Variants in UBE2E2 observed in about 807,000 individuals in gnomAD.
UBE2E2 encodes the protein ubiquitin-conjugating enzyme E2 E2.
UBE2E2 carries 6 observed loss-of-function variants against 24.7 expected under a neutral mutation model. The observed-to-expected ratio is 0.24, with a 90% CI of 0.13 to 0.48. The LOEUF (loss-of-function observed/expected upper bound fraction) is 0.48, where lower values mean the gene tolerates loss of function less well. Ranked by LOEUF, UBE2E2 falls within the 20% of genes least tolerant of loss-of-function variation. The pLI is 0.99. For synonymous variants in UBE2E2, 104 were observed against 83.6 expected, an observed-to-expected ratio of 1.24 and a Z score of -1.33; for missense variants, 169 against 245.0, an observed-to-expected ratio of 0.69 and a Z score of 2.07.
intron 3 of UBE2E2, among the ~76,000 whole-genome samples, chr3:23,239,366 C>A (rs996236921): frequency 1.3e-5 from 2 of 152,146 alleles, no homozygotes; most frequent in African/African-American, 4.8e-5. Context: ...GTGCAACTGT[C>A]ACTGTCATTA....
intron 3 of UBE2E2, among the ~76,000 whole-genome samples, chr3:23,263,183 T>C (rs1354337246): frequency 6.6e-6 from 1 of 152,226 alleles, no homozygotes. Context: ...TGAGCCATTC[T>C]GACTGCTCAA....
chr3:23,293,179 A>G (rs1698814700), intron 3 of UBE2E2, among the ~76,000 whole-genome samples: 1 of 152,248 alleles, frequency 6.6e-6, no homozygotes, highest in Non-Finnish European at 1.5e-5. Context: ...CTTCATCAAT[A>G]TCATCCTAAC....
At chr3:23,462,295 A>T (rs1018162738) in intron 3 of UBE2E2, among the ~76,000 whole-genome samples, 2 of 152,156 alleles carry the variant, frequency 1.3e-5, no homozygotes, top group Non-Finnish European at 2.9e-5. Context: ...TTTGGAAATG[A>T]AGTAGTATTT....
In UBE2E2 at chr3:23,352,985, A is replaced by G. The variant is rs564845974; in HGVS notation, c.227+135673A>G. Among the ~76,000 whole-genome samples, 49 of 152,342 alleles carry G rather than the reference A, an allele frequency of 3.2e-4. 2 individuals are homozygous for G. In the South Asian group the frequency reaches 8.3e-3, roughly 26 times the overall value. ...ATGAACATTGATGCAAAAATCCTCA[A>G]TAAAATACTAGCAAACCGAATCCAG... On this transcript the variant is annotated intron_variant, in intron 3 of 5. Coordinates refer to ENST00000396703, the MANE Select transcript of UBE2E2 (RefSeq NM_152653.4).
At chr3:23,320,605 G>A (rs1326215201) in intron 3 of UBE2E2, among the ~76,000 whole-genome samples, 2 of 152,150 alleles carry the variant, frequency 1.3e-5, no homozygotes, top group African/African-American at 4.8e-5. Flanking sequence ...TTAACATAAT[G>A]TTTTAAAGGT....
intron 1 of UBE2E2, among the ~76,000 whole-genome samples, chr3:23,204,262 A>T (rs905061006): frequency 1.6e-4 from 25 of 151,876 alleles, no homozygotes; most frequent in African/African-American, 6.1e-4. Flanking sequence ...CCCACGACCA[A>T]CCAGAAATGT....
chr3:23,582,891 G>GTA (rs373275935), intron 5 of UBE2E2, among the ~76,000 whole-genome samples: 25 of 148,726 alleles, frequency 1.7e-4, no homozygotes, highest in Admixed American at 4.0e-4. Context: ...GTGTGTGTGT[G>GTA]TGTTGTGTGT....
intron 5 of UBE2E2, among the ~76,000 whole-genome samples, chr3:23,555,920 A>G (rs1417764473): frequency 6.6e-6 from 1 of 152,134 alleles, no homozygotes; most frequent in Non-Finnish European, 1.5e-5. Context: ...ATAAAGTAAC[A>G]AGTAGAAAGG....
At chr3:23,351,163 A>C (rs998972375) in intron 3 of UBE2E2, among the ~76,000 whole-genome samples, 2 of 152,224 alleles carry the variant, frequency 1.3e-5, no homozygotes, top group African/African-American at 4.8e-5. Flanking sequence ...GAGAAATAAA[A>C]TACTTTACAG....
Position 23,233,060 on chromosome 3 carries a change from T to G in UBE2E2, c.227+15748T>G, listed in dbSNP as rs184569227. Among the ~76,000 whole-genome samples the G allele has an allele frequency of 6.5e-4, 99 of 152,238 alleles. 5 individuals are homozygous for G. The East Asian group carries it at 0.016, about 24-fold the overall frequency. On this transcript the variant is annotated intron_variant, in intron 3 of 5. Coordinates refer to ENST00000396703, the MANE Select transcript of UBE2E2 (RefSeq NM_152653.4). ...GAATGTAGCCCTGCATTTGCAGTCTTTGGATTCTAGGTGGCTGGTTAGTTG... is the reference window on the plus strand; with the variant it reads ...GAATGTAGCCCTGCATTTGCAGTCTGTGGATTCTAGGTGGCTGGTTAGTTG...
intron 3 of UBE2E2, among the ~76,000 whole-genome samples, chr3:23,318,119 GT>G (rs1033136215): frequency 6.6e-6 from 1 of 151,858 alleles, no homozygotes; most frequent in South Asian, 2.1e-4. Flanking sequence ...GTGTTTAATG[GT>G]TTTTTTAAAA....
chr3:23,400,974 G>A (rs1697208517), intron 3 of UBE2E2, among the ~76,000 whole-genome samples: 1 of 152,232 alleles, frequency 6.6e-6, no homozygotes, highest in African/African-American at 2.4e-5. Context: ...ATAATCAGAT[G>A]TGAAGATGTG....
chr3:23,427,642 C>T (rs1430319175), intron 3 of UBE2E2, among the ~76,000 whole-genome samples: 1 of 152,104 alleles, frequency 6.6e-6, no homozygotes, highest in Non-Finnish European at 1.5e-5. Flanking sequence ...GGATGAGAAG[C>T]AAGACTCAAC....
At chr3:23,208,953 C>A in intron 2 of UBE2E2, 78 bp downstream of exon 2, 1 of 1,394,658 alleles carries the variant, frequency 7.2e-7, no homozygotes, top group Admixed American at 2.7e-5. Flanking sequence ...TGCATTTAAT[C>A]ATTTTTTCTG....
chr3:23,246,306 C>T (rs960256924), intron 3 of UBE2E2, among the ~76,000 whole-genome samples: 12 of 149,702 alleles, frequency 8.0e-5, no homozygotes, highest in Non-Finnish European at 1.5e-4. Flanking sequence ...CTGCAAGCTC[C>T]GCCTCCCAGG....
In UBE2E2 at chr3:23,428,911, A is replaced by G. The variant is rs180684253; in HGVS notation, c.228-70697A>G. ...CATTGCAGTCCAGCCTTGGCAACAA[A>G]GTGAGACTCTGTCTCTTAAAAAAAA... On this transcript the variant is annotated intron_variant, in intron 3 of 5. Transcript: ENST00000396703. Among the ~76,000 whole-genome samples the G allele has an allele frequency of 3.5e-5, 5 of 143,186 alleles. No individual in the cohort carries two copies. The East Asian group carries it at 8.7e-4, about 25-fold the overall frequency. 93.9% of individuals were successfully genotyped at this position (143,186 alleles called of 152,430 possible). A position where few individuals can be genotyped will look rare whatever the true frequency, so the allele number is the denominator to read the frequency against.
At chr3:23,229,074 C>G in intron 3 of UBE2E2, among the ~76,000 whole-genome samples, 1 of 152,208 alleles carries the variant, frequency 6.6e-6, no homozygotes, top group African/African-American at 2.4e-5. Context: ...TTACCCGTTT[C>G]ACCCAGTCTG....
chr3:23,536,217 T>G (rs1559414603), intron 5 of UBE2E2, among the ~76,000 whole-genome samples: 1 of 152,242 alleles, frequency 6.6e-6, no homozygotes, highest in Non-Finnish European at 1.5e-5. Context: ...ATTTAAAATG[T>G]GCTTATATTA....
At chr3:23,248,584 T>C (rs1697483923) in intron 3 of UBE2E2, among the ~76,000 whole-genome samples, 1 of 152,246 alleles carries the variant, frequency 6.6e-6, no homozygotes, top group African/African-American at 2.4e-5. Context: ...AGTTAATTTC[T>C]GTAAATTCAA....
Sources: allele counts gnomAD v4.1 joint callset (sites outside exome capture counted in the v4.1 genomes callset), GRCh38; gene constraint gnomAD v4.1.1; transcripts MANE v1.5; gene names NCBI Gene and HGNC (gene_info 2026-07-23, HGNC 2026-07-21).